WDR72: variants seen among roughly 807,000 people sequenced by gnomAD.
WDR72 encodes WD repeat-containing protein 72.
WDR72 carries 120 observed loss-of-function variants against 124.2 expected under a neutral mutation model. The observed-to-expected ratio is 0.97, with a 90% CI of 0.83 to 1.12. WDR72 has a LOEUF of 1.12. Ranked by LOEUF, WDR72 falls within the 50% of genes most tolerant of loss-of-function variation. The probability of loss-of-function intolerance (pLI) is 0.00; values close to 1 mark genes in which losing one functional copy is unlikely to be tolerated. For missense variants in WDR72, 1,387 were observed against 1,278.8 expected, an observed-to-expected ratio of 1.08 and a Z score of -1.29; for synonymous variants, 452 against 441.7, an observed-to-expected ratio of 1.02 and a Z score of -0.29.
Position 53,702,145 on chromosome 15 carries a change from C to T in WDR72, c.1558G>A (p.Glu520Lys). The stretch of plus-strand genomic sequence containing the variant: ...ACTCTTCGTCTTACTTTAAACTTCT[C>T]TGGTGACATCAAAAGACTTGTTACT... ...GPVTSLLMSP[E>K]KFKLRGEQII... Residue 520 changes from glutamate (E) to lysine (K), a missense_variant, in exon 12 of 20, where the codon GAG becomes AAG. By Grantham distance (56) the Glu-to-Lys change is moderately conservative. Coordinates refer to ENST00000360509, the MANE Select transcript of WDR72 (RefSeq NM_182758.4). 6 of 1,613,268 alleles carry T rather than the reference C, an allele frequency of 3.7e-6. No individual in the cohort carries two copies. Among genetic ancestry groups the T allele is most frequent in the Non-Finnish European group, 5.1e-6 (6 of 1,179,774 alleles).
At chr15:53,599,964 A>T (rs116892627) in intron 17 of WDR72, among the ~76,000 whole-genome samples, 2,419 of 152,296 alleles carry the variant, frequency 0.016, 43 homozygotes, top group East Asian at 0.077. Context: ...AGAATAAAAT[A>T]GATTAACCAT....
intron 4 of WDR72, 43 bp downstream of exon 4, chr15:53,716,564 T>C (rs2017713658): frequency 1.5e-6 from 2 of 1,304,606 alleles, no homozygotes; most frequent in African/African-American, 1.4e-5. Flanking sequence ...CCTAAACAAG[T>C]TGCAGAATCT....
chr15:53,555,674 A>G (rs1893904117), intron 18 of WDR72, among the ~76,000 whole-genome samples: 1 of 152,110 alleles, frequency 6.6e-6, no homozygotes, highest in Non-Finnish European at 1.5e-5. Flanking sequence ...CCATAATTCA[A>G]TTAAATTAAA....
intron 18 of WDR72, among the ~76,000 whole-genome samples, chr15:53,525,497 C>A (rs1396580588): frequency 6.6e-6 from 1 of 151,876 alleles, no homozygotes; most frequent in Non-Finnish European, 1.5e-5. Context: ...TATCAAGCAC[C>A]AAATAAATAT....
At chr15:53,705,840 T>C in intron 10 of WDR72, 87 bp downstream of exon 10, 1 of 1,531,372 alleles carries the variant, frequency 6.5e-7, no homozygotes, top group Non-Finnish European at 9.0e-7. Flanking sequence ...TTGTTTGTGG[T>C]CCCATGCTGC....
chr15:53,675,641 C>T (rs1014055511), intron 13 of WDR72, among the ~76,000 whole-genome samples: 37 of 152,172 alleles, frequency 2.4e-4, no homozygotes, highest in African/African-American at 8.9e-4. Context: ...GTCCCTCATG[C>T]TTTTAATTGT....
intron 12 of WDR72, among the ~76,000 whole-genome samples, chr15:53,700,542 T>A (rs1378220261): frequency 6.6e-6 from 1 of 152,164 alleles, no homozygotes; most frequent in Non-Finnish European, 1.5e-5. Flanking sequence ...AGATACTTTT[T>A]AAGAAGTCAG....
chr15:53,597,413 T>TC (rs1276503153), intron 17 of WDR72, 139 bp from the exon 18 acceptor site: 2 of 814,264 alleles, frequency 2.5e-6, no homozygotes, highest in African/African-American at 3.5e-5. Flanking sequence ...AGAATTAGCA[T>TC]CCACAACAAC....
At chr15:53,685,046 C>T (rs1016352242) in intron 13 of WDR72, among the ~76,000 whole-genome samples, 3 of 152,124 alleles carry the variant, frequency 2.0e-5, no homozygotes, top group Non-Finnish European at 4.4e-5. Flanking sequence ...ACATCCACAC[C>T]AAAAACCCAT....
chr15:53,718,837 C>G (rs1382081100), intron 3 of WDR72, among the ~76,000 whole-genome samples: 5 of 150,184 alleles, frequency 3.3e-5, no homozygotes, highest in Non-Finnish European at 7.4e-5. Context: ...TTTTAAAAAT[C>G]TTAAGAATTT....
chr15:53,714,326 A>T, intron 6 of WDR72, 108 bp downstream of exon 6: 1 of 891,780 alleles, frequency 1.1e-6, no homozygotes, highest in Non-Finnish European at 1.8e-6. Context: ...ATACACTTCT[A>T]TGTTATTTGA....
chr15:53,658,084 T>C (rs1391345257), intron 14 of WDR72, among the ~76,000 whole-genome samples: 4 of 152,214 alleles, frequency 2.6e-5, no homozygotes, highest in Admixed American at 1.3e-4. Flanking sequence ...TGAGGACTTA[T>C]GTCCTCTCAG....
At chr15:53,662,128 T>G (rs1293378911) in intron 14 of WDR72, among the ~76,000 whole-genome samples, 2 of 152,168 alleles carry the variant, frequency 1.3e-5, no homozygotes, top group African/African-American at 4.8e-5. Flanking sequence ...GCTAAATTCC[T>G]TCCATTGCAA....
In WDR72 at chr15:53,705,149, G is replaced by A. The variant is rs759503260; in HGVS notation, c.1187C>T (p.Ser396Phe). The A allele has an allele frequency of 6.2e-7, 1 of 1,614,034 alleles. No individual in the cohort carries two copies. The highest frequency in any genetic ancestry group is 1.1e-5 in the South Asian group (1 of 91,080). Residue 396 changes from serine (S) to phenylalanine (F), a missense_variant, in exon 11 of 20, where the codon TCT (serine) becomes TTT (phenylalanine). By Grantham distance (155) the Ser-to-Phe change is radical. Transcript: ENST00000360509. Reference sequence around the variant, plus strand: ...AGTTCCTGCCCCATCTTTAAGCCCAGAGAAATAGTCAATAATACTTTGTGA... The same window carrying A: ...AGTTCCTGCCCCATCTTTAAGCCCAAAGAAATAGTCAATAATACTTTGTGA... ...TMSQSIIDYFSGLKDGAGTAV... is the reference protein window; with the variant it reads ...TMSQSIIDYFFGLKDGAGTAV...
chr15:53,644,115 A>G (rs925827162), intron 14 of WDR72, among the ~76,000 whole-genome samples: 4 of 152,162 alleles, frequency 2.6e-5, no homozygotes, highest in African/African-American at 9.7e-5. Flanking sequence ...CTTGAAATCA[A>G]GTGATCCTTG....
chr15:53,662,215 A>T (rs554313956), intron 14 of WDR72, among the ~76,000 whole-genome samples: 61 of 152,300 alleles, frequency 4.0e-4, no homozygotes, highest in African/African-American at 1.3e-3. Context: ...ATGATATTGT[A>T]TTCCTTTAAA....
At chr15:53,633,629 A>C (rs933265024) in intron 14 of WDR72, among the ~76,000 whole-genome samples, 3 of 152,230 alleles carry the variant, frequency 2.0e-5, no homozygotes, top group Non-Finnish European at 4.4e-5. Context: ...TAGTCTCTGG[A>C]TATAATTATA....
intron 18 of WDR72, among the ~76,000 whole-genome samples, chr15:53,548,987 C>A (rs963042545): frequency 6.6e-5 from 10 of 152,058 alleles, no homozygotes; most frequent in South Asian, 2.1e-4. Flanking sequence ...GAAAGAGAAC[C>A]AATAACCATG....
intron 2 of WDR72, among the ~76,000 whole-genome samples, chr15:53,728,868 T>C (rs1190392183): frequency 6.6e-6 from 1 of 152,138 alleles, no homozygotes; most frequent in Non-Finnish European, 1.5e-5. Flanking sequence ...AATCTAGGCA[T>C]GCAGTGAGAA....
Sources: gnomAD v4.1 joint callset for allele counts (sites outside exome capture counted in the v4.1 genomes callset) on GRCh38, gnomAD v4.1.1 for gene constraint, MANE v1.5 for transcripts, NCBI Gene and HGNC (gene_info 2026-07-23, HGNC 2026-07-21) for gene names.